The following FRK variants were observed in gnomAD, a reference collection of about 807,000 sequenced individuals.
The protein encoded by FRK is tyrosine-protein kinase FRK.
A neutral mutation model predicts 56.4 loss-of-function variants in FRK; 51 were observed. The observed-to-expected ratio is 0.90, with a 90% CI of 0.72 to 1.14. The LOEUF is 1.14. Ranked by LOEUF, FRK falls within the 50% of genes most tolerant of loss-of-function variation. FRK has a pLI of 0.00. For synonymous variants in FRK, 245 were observed against 217.9 expected, an observed-to-expected ratio of 1.12 and a Z score of -1.10; for missense variants, 570 against 601.4, an observed-to-expected ratio of 0.95 and a Z score of 0.55.
At chr6:116,030,075 G>C (rs1452782154) in intron 1 of FRK, among the ~76,000 whole-genome samples, 1 of 151,962 alleles carries the variant, frequency 6.6e-6, no homozygotes. Context: ...CAGACCCCTC[G>C]GAAGAAGGTA....
At chr6:116,096,012 T>A in the FRK span, among the ~76,000 whole-genome samples, 1 of 152,380 alleles carries the variant, frequency 6.6e-6, no homozygotes, top group African/African-American at 2.4e-5. Context: ...GACAGCCATC[T>A]TGCCATTACT....
At position 115,943,168 on chromosome 6, in the gene FRK, G is replaced by A. The variant is rs771073208; in HGVS notation, c.1158C>T (p.Ile386=). The part of the protein sequence containing the change: ...ARVFKVDNED[I]YESRHEIKLP... ...GCTTTATTTCGTGTCTAGATTCATAGATGTCTTCATTATCTACCTGTTCAT... is the reference window on the plus strand; with the variant it reads ...GCTTTATTTCGTGTCTAGATTCATAAATGTCTTCATTATCTACCTGTTCAT... The change falls in exon 7 of 8, where the codon ATC becomes ATT. Residue 386 remains isoleucine (I), a synonymous_variant. Coordinates refer to ENST00000606080, the MANE Select transcript of FRK (RefSeq NM_002031.3). 2.5e-6 allele frequency: 4 copies of A among 1,610,342 alleles called. No homozygotes were observed. Among genetic ancestry groups the A allele is most frequent in the African/African-American group, 2.7e-5 (2 of 74,712 alleles).
At chr6:116,031,563 A>T (rs1178092224) in intron 1 of FRK, among the ~76,000 whole-genome samples, 2 of 152,082 alleles carry the variant, frequency 1.3e-5, no homozygotes, top group African/African-American at 4.8e-5. Flanking sequence ...AATACTTTTA[A>T]TTTATGTTCC....
At chr6:115,984,754 TA>T (rs71012318) in intron 2 of FRK, among the ~76,000 whole-genome samples, 48,160 of 141,610 alleles carry the variant, frequency 0.34, 7,800 homozygotes, top group Admixed American at 0.41. Flanking sequence ...AAGGGGAGAT[TA>T]AAAAAAAAAA....
chr6:115,958,820 A>AAGAG (rs147739302), intron 4 of FRK, among the ~76,000 whole-genome samples: 1 of 132,602 alleles, frequency 7.5e-6, no homozygotes, highest in African/African-American at 2.9e-5. Flanking sequence ...GAAAGAAAGA[A>AAGAG]AAAGAAAGAA....
chr6:116,005,886 T>A (rs1274400566), intron 1 of FRK, among the ~76,000 whole-genome samples: 2 of 152,114 alleles, frequency 1.3e-5, no homozygotes, highest in Non-Finnish European at 2.9e-5. Flanking sequence ...GCATACACAA[T>A]AATTTCACAT....
intron 1 of FRK, among the ~76,000 whole-genome samples, chr6:116,029,467 T>C (rs760086004): frequency 1.6e-4 from 24 of 152,258 alleles, no homozygotes; most frequent in Admixed American, 3.9e-4. Flanking sequence ...ATTTTATACA[T>C]ATTTATTGAG....
chr6:116,042,474 C>T (rs1215413683), intron 1 of FRK, among the ~76,000 whole-genome samples: 1 of 152,124 alleles, frequency 6.6e-6, no homozygotes, highest in African/African-American at 2.4e-5. Context: ...AATTTTATAT[C>T]CAGACAAACT....
chr6:115,975,457 A>AT (rs1284597021), intron 2 of FRK, among the ~76,000 whole-genome samples: 2 of 152,158 alleles, frequency 1.3e-5, no homozygotes, highest in African/African-American at 4.8e-5. Flanking sequence ...TTTTAAAAGT[A>AT]TTTTCATCTG....
chr6:115,942,076 C>T lies in FRK; in HGVS notation c.*338G>A, dbSNP rs1261693670. The T allele has an allele frequency of 1.7e-5, 4 of 238,278 alleles. No individual in the cohort carries two copies. Among genetic ancestry groups the T allele is most frequent in the African/African-American group, 4.7e-5 (2 of 42,950 alleles). The allele number at this position is 238,278 out of a possible 1,614,324, so 14.8% of individuals were successfully genotyped here. ...AAACAGGAAAATGCTACAACAGTCA[C>T]TGAGTAAAAATTGGACTATCATCTG... On this transcript the variant is annotated 3_prime_UTR_variant, in exon 8 of 8. Coordinates refer to ENST00000606080, the MANE Select transcript of FRK (RefSeq NM_002031.3).
At position 116,044,360 on chromosome 6, in the gene FRK, A is replaced by G. The variant is rs528133847; in HGVS notation, c.344+15608T>C. Among the ~76,000 whole-genome samples the G allele has an allele frequency of 2.0e-5, 3 of 152,354 alleles. No homozygotes were observed. In the East Asian group the frequency reaches 5.8e-4, roughly 29 times the overall value. On this transcript the variant is annotated intron_variant, in intron 1 of 7. Transcript: ENST00000606080. ...AATAAAATACTGGCAAACTGAATCC[A>G]GCAACATATAAAAAGTTATCCACCA... is the stretch of plus-strand genomic sequence containing the variant.
the FRK span, among the ~76,000 whole-genome samples, chr6:116,091,369 C>T: frequency 2.0e-5 from 3 of 152,166 alleles, no homozygotes; most frequent in Non-Finnish European, 4.4e-5. Flanking sequence ...CAGCCAGCAG[C>T]GGCAGCCTGC....
chr6:116,043,828 G>C (rs1049196667), intron 1 of FRK, among the ~76,000 whole-genome samples: 18 of 152,028 alleles, frequency 1.2e-4, no homozygotes, highest in African/African-American at 3.9e-4. Flanking sequence ...TAACAAAATA[G>C]ATAGACCGCT....
chr6:116,060,557 G>C lies in FRK; in HGVS notation c.-246C>G. 2.1e-6 allele frequency: 1 copy of C among 466,160 alleles called. No homozygotes were observed. The highest frequency in any genetic ancestry group is 3.8e-6 in the Non-Finnish European group (1 of 261,818). The allele number at this position is 466,160 out of a possible 1,614,324, so 28.9% of individuals were successfully genotyped here. Reference sequence around the variant, plus strand: ...CCCGAGGCAAAACTGAGCAGGAGCTGGGCAGCTGCTCACTAGGAAGGTGTC... The same window carrying C: ...CCCGAGGCAAAACTGAGCAGGAGCTCGGCAGCTGCTCACTAGGAAGGTGTC... On this transcript the variant is annotated 5_prime_UTR_variant, in exon 1 of 8. Transcript: ENST00000606080.
intron 2 of FRK, among the ~76,000 whole-genome samples, chr6:115,987,854 T>C (rs940823207): frequency 1.3e-5 from 2 of 152,106 alleles, no homozygotes; most frequent in Admixed American, 1.3e-4. Flanking sequence ...ACAACAGATA[T>C]ATAGAAAGTG....
intron 2 of FRK, among the ~76,000 whole-genome samples, chr6:115,981,116 G>T (rs960226552): frequency 5.9e-5 from 9 of 152,096 alleles, no homozygotes; most frequent in African/African-American, 1.9e-4. Context: ...GAACTGAACT[G>T]CCCAACAATA....
intron 2 of FRK, among the ~76,000 whole-genome samples, chr6:115,997,294 T>C (rs186985132): frequency 2.0e-3 from 309 of 152,324 alleles, no homozygotes; most frequent in African/African-American, 7.0e-3. Context: ...AGAGGCCTAT[T>C]ATATTCTCAA....
intron 1 of FRK, among the ~76,000 whole-genome samples, chr6:116,020,949 G>A (rs1019089162): frequency 6.6e-6 from 1 of 151,866 alleles, no homozygotes; most frequent in Admixed American, 6.6e-5. Context: ...AACTGTGGTT[G>A]GTTTCTAAAC....
In FRK at chr6:116,023,297, A is replaced by C. The variant is rs539393112; in HGVS notation, c.345-19299T>G. Among the ~76,000 whole-genome samples the C allele has an allele frequency of 1.5e-3, 221 of 152,348 alleles. 2 individuals carry two copies. The highest frequency in any genetic ancestry group is 5.3e-3 in the African/African-American group (220 of 41,594). On this transcript the variant is annotated intron_variant, in intron 1 of 7. Transcript: ENST00000606080. ...CAATTCCACTCTTGGGTATTTACTTAAGAAAAATGAAAGCATATGGCCACA... is the reference window on the plus strand; with the variant it reads ...CAATTCCACTCTTGGGTATTTACTTCAGAAAAATGAAAGCATATGGCCACA...
Sources: allele counts gnomAD v4.1 joint callset (sites outside exome capture counted in the v4.1 genomes callset), GRCh38; gene constraint gnomAD v4.1.1; transcripts MANE v1.5; gene names NCBI Gene and HGNC (gene_info 2026-07-23, HGNC 2026-07-21).